Variants in TDRD10 observed in about 807,000 individuals in gnomAD.
TDRD10 encodes the protein tudor domain containing 10.
Under a neutral mutation model 48.0 loss-of-function variants are expected in TDRD10, and 40 were observed. The observed-to-expected ratio is 0.83, with a 90% CI of 0.65 to 1.09. The LOEUF is 1.09. Among genes scored for constraint, TDRD10 ranks in the 50% least tolerant of loss-of-function variants. TDRD10 has a pLI of 0.00. For missense variants in TDRD10, 378 were observed against 434.7 expected (o/e 0.87, Z 1.16); for synonymous variants, 162 against 170.4 (o/e 0.95, Z 0.38).
At chr1:154,508,087 C>T (rs1693249687) in intron 3 of TDRD10, among the ~76,000 whole-genome samples, 1 of 152,184 alleles carries the variant, frequency 6.6e-6, no homozygotes, top group African/African-American at 2.4e-5. Flanking sequence ...TATGCATGGC[C>T]AGCACTTCCC....
At chr1:154,537,786 C>T (rs577900236) in intron 6 of TDRD10, among the ~76,000 whole-genome samples, 160 of 152,316 alleles carry the variant, frequency 1.1e-3, no homozygotes, top group African/African-American at 3.5e-3. Context: ...ACGGACTCCC[C>T]AGCATCACTC....
chr1:154,537,515 C>A (rs562185319), intron 6 of TDRD10, among the ~76,000 whole-genome samples: 1 of 152,178 alleles, frequency 6.6e-6, no homozygotes, highest in Admixed American at 6.5e-5. Flanking sequence ...TCAGGTGTTC[C>A]CAGGTGCAGT....
At chr1:154,511,518 A>G (rs982161181) in intron 4 of TDRD10, among the ~76,000 whole-genome samples, 5 of 150,928 alleles carry the variant, frequency 3.3e-5, no homozygotes, top group African/African-American at 1.2e-4. Flanking sequence ...ATAATACTAA[A>G]TAATACAAAA....
intron 8 of TDRD10, among the ~76,000 whole-genome samples, chr1:154,543,391 C>G (rs972867212): frequency 5.9e-5 from 9 of 152,228 alleles, no homozygotes; most frequent in Admixed American, 5.9e-4. Context: ...ACCATGTCCC[C>G]TGCTTTGCTT....
intron 5 of TDRD10, among the ~76,000 whole-genome samples, chr1:154,520,834 C>CT (rs34986944): frequency 0.18 from 27,852 of 152,056 alleles, 2,900 homozygotes; most frequent in South Asian, 0.23. Flanking sequence ...ACCTCCTAGG[C>CT]TTAAGCAATC....
At chr1:154,529,023 T>G (rs1694463385) in intron 6 of TDRD10, among the ~76,000 whole-genome samples, 1 of 152,204 alleles carries the variant, frequency 6.6e-6, no homozygotes, top group Admixed American at 6.5e-5. Context: ...AATGCAGTTG[T>G]ATTTGAAATT....
intron 8 of TDRD10, 46 bp from the exon 9 acceptor site, chr1:154,543,917 G>A (rs774655817): frequency 1.1e-5 from 18 of 1,607,358 alleles, no homozygotes; most frequent in South Asian, 4.4e-5. Context: ...CTTTCCTTGC[G>A]TTGGTCCAGT....
intron 4 of TDRD10, 30 bp downstream of exon 4, chr1:154,508,511 C>A (rs748414676): frequency 7.0e-6 from 10 of 1,435,604 alleles, no homozygotes; most frequent in Non-Finnish European, 9.8e-6. Context: ...GGCTGCTTAT[C>A]TTCCTTGGCC....
chr1:154,517,108 A>G (rs1332193668), intron 4 of TDRD10, among the ~76,000 whole-genome samples: 1 of 152,084 alleles, frequency 6.6e-6, no homozygotes, highest in Non-Finnish European at 1.5e-5. Context: ...TGAGTGGGAA[A>G]CATAGGAGGG....
chr1:154,506,380 C>CTT lies in TDRD10; in HGVS notation c.-27-485_-27-484dup, dbSNP rs35085696. Among the ~76,000 whole-genome samples, 1,168 of 145,072 alleles carry CTT rather than the reference C, an allele frequency of 8.1e-3. 11 individuals are homozygous for CTT. Among genetic ancestry groups the CTT allele is most frequent in the African/African-American group, 0.012 (477 of 39,710 alleles). On this transcript the variant is annotated intron_variant, in intron 1 of 12. Coordinates refer to ENST00000368482, the MANE Select transcript of TDRD10 (RefSeq NM_182499.4). ...TTTGTTTCTGTTGTCACGTCTCTCT[C>CTT]TTTTTTTTTTTTTGAGATGTTGTCT...
chr1:154,538,606 C>T (rs1285628482), intron 6 of TDRD10, among the ~76,000 whole-genome samples: 1 of 146,890 alleles, frequency 6.8e-6, no homozygotes, highest in East Asian at 2.0e-4. Flanking sequence ...GTAATCCCAG[C>T]ACTTTGGGAG....
At chr1:154,515,395 A>G (rs1318969027) in intron 4 of TDRD10, among the ~76,000 whole-genome samples, 1 of 151,944 alleles carries the variant, frequency 6.6e-6, no homozygotes, top group Non-Finnish European at 1.5e-5. Context: ...GCCCCCCTCC[A>G]CTCAGAAGCC....
At chr1:154,508,329 A>C in intron 3 of TDRD10, 94 bp from the exon 4 acceptor site, 1 of 857,680 alleles carries the variant, frequency 1.2e-6, no homozygotes, top group Admixed American at 1.8e-5. Context: ...AGACTGGGCA[A>C]CATAGAGAGA....
At position 154,544,363 on chromosome 1, in the gene TDRD10, A is replaced by G. The variant is rs758891509; in HGVS notation, c.652-9A>G. 7.0e-6 allele frequency: 11 copies of G among 1,575,366 alleles called. No homozygotes were observed. Among genetic ancestry groups the G allele is most frequent in the East Asian group, 2.3e-5 (1 of 43,502 alleles). On this transcript the variant is annotated splice_polypyrimidine_tract_variant and intron_variant, in intron 9 of 12. Coordinates refer to ENST00000368482, the MANE Select transcript of TDRD10 (RefSeq NM_182499.4). ...AGGCAGTGGGGCCGTTGCGTTTTGCACCCCACAGGCTCTGCACCAGAACAT... is the reference window on the plus strand; with the variant it reads ...AGGCAGTGGGGCCGTTGCGTTTTGCGCCCCACAGGCTCTGCACCAGAACAT...
intron 6 of TDRD10, among the ~76,000 whole-genome samples, chr1:154,531,493 C>T (rs1255932864): frequency 6.6e-6 from 1 of 152,138 alleles, no homozygotes; most frequent in Non-Finnish European, 1.5e-5. Context: ...AGCTGCAGAC[C>T]TTCGCAGTGA....
chr1:154,526,791 T>C (rs1355651249), intron 6 of TDRD10, among the ~76,000 whole-genome samples: 1 of 151,410 alleles, frequency 6.6e-6, no homozygotes, highest in East Asian at 2.0e-4. Context: ...GGTTTCACCA[T>C]GTTGGCCAGG....
chr1:154,547,749 C>T lies in TDRD10; in HGVS notation c.*39C>T, dbSNP rs371107142. 2.2e-5 allele frequency: 36 copies of T among 1,611,546 alleles called. No homozygotes were observed. Among genetic ancestry groups the T allele is most frequent in the Non-Finnish European group, 2.8e-5 (33 of 1,179,254 alleles). On this transcript the variant is annotated 3_prime_UTR_variant, in exon 13 of 13. Coordinates refer to ENST00000368482, the MANE Select transcript of TDRD10 (RefSeq NM_182499.4). The stretch of plus-strand genomic sequence containing the variant: ...AGCATGTTCCCTCTCCTGTTTGCCA[C>T]GGATCCAGAGGCCACCTGCCCTGTC...
intron 4 of TDRD10, 47 bp from the exon 5 acceptor site, chr1:154,520,257 G>T (rs772114346): frequency 8.6e-6 from 12 of 1,395,264 alleles, no homozygotes; most frequent in Non-Finnish European, 1.2e-5. Flanking sequence ...AGAAGTGGTT[G>T]TAAGTTATGT....
At chr1:154,505,438 C>G (rs1024804707) in intron 1 of TDRD10, among the ~76,000 whole-genome samples, 2 of 152,214 alleles carry the variant, frequency 1.3e-5, no homozygotes, top group African/African-American at 4.8e-5. Context: ...ATAAACCTCT[C>G]TCTCCATTTT....
Sources: gnomAD v4.1 joint callset for allele counts (sites outside exome capture counted in the v4.1 genomes callset) on GRCh38, gnomAD v4.1.1 for gene constraint, MANE v1.5 for transcripts, NCBI Gene and HGNC (gene_info 2026-07-23, HGNC 2026-07-21) for gene names.